PHACTR1: variants seen among roughly 807,000 people sequenced by gnomAD.
PHACTR1 encodes RPEL repeat containing 1.
A neutral mutation model predicts 69.2 loss-of-function variants in PHACTR1; 16 were observed. The ratio of observed to expected loss-of-function variants is 0.23; its 90% CI spans 0.16 to 0.35. The LOEUF (loss-of-function observed/expected upper bound fraction) is 0.35. PHACTR1 is among the 10% of genes least tolerant of loss of function. The probability of loss-of-function intolerance (pLI) is 1.00; values close to 1 mark genes in which losing one functional copy is unlikely to be tolerated. For missense variants in PHACTR1, 510 were observed against 734.7 expected (o/e 0.69, Z 3.54); for synonymous variants, 312 against 284.5 (o/e 1.10, Z -0.97).
chr6:13,162,257 GCACGGC>G (rs1759140917), intron 6 of PHACTR1, among the ~76,000 whole-genome samples: 1 of 147,580 alleles, frequency 6.8e-6, no homozygotes, highest in African/African-American at 2.6e-5. Flanking sequence ...GCACCACCAT[GCACGGC>G]TACTTTTGTT....
At chr6:12,923,597 T>G (rs1787949120) in intron 4 of PHACTR1, among the ~76,000 whole-genome samples, 1 of 152,208 alleles carries the variant, frequency 6.6e-6, no homozygotes, top group Admixed American at 6.5e-5. Flanking sequence ...AGCATCTATC[T>G]TATCATTATC....
intron 6 of PHACTR1, among the ~76,000 whole-genome samples, chr6:13,176,017 C>T (rs1025845595): frequency 6.6e-6 from 1 of 151,954 alleles, no homozygotes; most frequent in African/African-American, 2.4e-5. Context: ...AGTGCTTATA[C>T]CCCAGCAATG....
intron 6 of PHACTR1, among the ~76,000 whole-genome samples, chr6:13,169,143 A>G (rs1760244300): frequency 6.6e-6 from 1 of 152,102 alleles, no homozygotes; most frequent in Non-Finnish European, 1.5e-5. Context: ...GGGACTTGTG[A>G]CCACTTAGAT....
chr6:13,069,094 G>A (rs144920193), intron 5 of PHACTR1, among the ~76,000 whole-genome samples: 85 of 152,120 alleles, frequency 5.6e-4, no homozygotes, highest in Non-Finnish European at 1.0e-3. Flanking sequence ...GAAAAGAAGC[G>A]CCAGTTAACT....
chr6:12,914,119 C>A (rs918691629), intron 4 of PHACTR1, among the ~76,000 whole-genome samples: 2 of 152,192 alleles, frequency 1.3e-5, no homozygotes, highest in Non-Finnish European at 2.9e-5. Context: ...CAGGCACAAG[C>A]CTCCCAGGTA....
chr6:13,060,945 A>G (rs1168857854), intron 5 of PHACTR1, among the ~76,000 whole-genome samples: 2 of 152,238 alleles, frequency 1.3e-5, no homozygotes, highest in Non-Finnish European at 2.9e-5. Context: ...GGCTTAAAAC[A>G]ACAGAGCTTC....
At chr6:13,107,474 A>G (rs1816356503) in intron 5 of PHACTR1, among the ~76,000 whole-genome samples, 1 of 152,222 alleles carries the variant, frequency 6.6e-6, no homozygotes, top group South Asian at 2.1e-4. Flanking sequence ...TTAATGTAGA[A>G]TTCAGCAAAG....
chr6:12,888,534 T>C (rs1170624621), intron 4 of PHACTR1, among the ~76,000 whole-genome samples: 1 of 152,230 alleles, frequency 6.6e-6, no homozygotes, highest in Non-Finnish European at 1.5e-5. Context: ...CATAATTTTT[T>C]AAAACCTCAA....
intron 4 of PHACTR1, among the ~76,000 whole-genome samples, chr6:12,860,535 TG>T (rs1281638801): frequency 3.3e-5 from 5 of 152,282 alleles, no homozygotes; most frequent in African/African-American, 1.2e-4. Flanking sequence ...CTGGGTCAAA[TG>T]GTATTTCTGG....
At chr6:12,752,138 C>T (rs1766698422) in intron 4 of PHACTR1, among the ~76,000 whole-genome samples, 1 of 152,230 alleles carries the variant, frequency 6.6e-6, no homozygotes, top group Non-Finnish European at 1.5e-5. Context: ...ACTCCTGGGG[C>T]TTGTTTATTT....
intron 5 of PHACTR1, among the ~76,000 whole-genome samples, chr6:13,090,215 C>T (rs572396302): frequency 6.6e-5 from 10 of 152,004 alleles, no homozygotes; most frequent in East Asian, 1.9e-4. Context: ...CCACCATGCC[C>T]GGCTAATGTT....
At chr6:12,725,461 C>T (rs1323859557) in intron 3 of PHACTR1, among the ~76,000 whole-genome samples, 1 of 152,200 alleles carries the variant, frequency 6.6e-6, no homozygotes, top group Non-Finnish European at 1.5e-5. Flanking sequence ...CTCCCATTGC[C>T]TATACTACAG....
chr6:13,196,420 C>CTTTTTTTTTTGTT lies in PHACTR1; in HGVS notation c.665-9385_665-9384insGTTTTTTTTTTTT, dbSNP rs555707385. 3.8e-4 allele frequency: 52 copies of CTTTTTTTTTTGTT among 136,524 alleles called. 1 individual carries two copies. Among genetic ancestry groups the CTTTTTTTTTTGTT allele is most frequent in the South Asian group, 1.2e-3 (8 of 6,750 alleles). The allele number at this position is 136,524 out of a possible 1,614,324, so 8.5% of individuals were successfully genotyped here. A position where few individuals can be genotyped will look rare whatever the true frequency, so the allele number is the denominator to read the frequency against. ...CCTAGATCATCCACTGGTTTTCTTT[C>CTTTTTTTTTTGTT]TTTTTTTTTTTGTTTTTTGAGACAG... On this transcript the variant is annotated intron_variant, in intron 7 of 14. Transcript: ENST00000332995.
chr6:13,272,585 C>A, intron 10 of PHACTR1: 1 of 844,396 alleles, frequency 1.2e-6, no homozygotes, highest in Non-Finnish European at 1.7e-6. Flanking sequence ...TTGCAGTCCA[C>A]TTGCCTGGGG....
intron 12 of PHACTR1, chr6:13,280,890 C>T (rs1780016060): frequency 2.8e-5 from 33 of 1,182,108 alleles, no homozygotes; most frequent in East Asian, 5.7e-5. Context: ...GCCAAAGGTG[C>T]GTCTTCTGAG....
intron 5 of PHACTR1, among the ~76,000 whole-genome samples, chr6:13,094,300 C>CTTT (rs11399921): frequency 2.1e-5 from 3 of 145,162 alleles, no homozygotes; most frequent in Non-Finnish European, 3.0e-5. Context: ...GATAAAGTGT[C>CTTT]TTTTTTTTTT....
intron 4 of PHACTR1, among the ~76,000 whole-genome samples, chr6:12,971,304 T>C (rs891908842): frequency 6.6e-6 from 1 of 152,238 alleles, no homozygotes; most frequent in African/African-American, 2.4e-5. Context: ...TTGGGCTCTT[T>C]GCACATCATA....
At chr6:12,840,174 G>T (rs1376590613) in intron 4 of PHACTR1, among the ~76,000 whole-genome samples, 1 of 151,958 alleles carries the variant, frequency 6.6e-6, no homozygotes, top group Non-Finnish European at 1.5e-5. Flanking sequence ...TCCTTTGTAG[G>T]GACTGACTGA....
intron 4 of PHACTR1, among the ~76,000 whole-genome samples, chr6:12,756,952 T>C (rs1767398820): frequency 6.6e-6 from 1 of 152,216 alleles, no homozygotes; most frequent in Admixed American, 6.5e-5. Flanking sequence ...GCACTTGAGA[T>C]ACATCAGTGA....
Sources: gnomAD v4.1 joint callset for allele counts (sites outside exome capture counted in the v4.1 genomes callset) on GRCh38, gnomAD v4.1.1 for gene constraint, MANE v1.5 for transcripts, NCBI Gene and HGNC (gene_info 2026-07-23, HGNC 2026-07-21) for gene names.